Variants in MIPOL1 observed in about 807,000 individuals in gnomAD.
MIPOL1 encodes the protein mirror-image polydactyly gene 1 protein.
In MIPOL1, 57 loss-of-function variants were observed where a neutral mutation model predicts 60.9. The observed-to-expected ratio is 0.94, with a 90% CI of 0.76 to 1.17. The LOEUF (loss-of-function observed/expected upper bound fraction) is 1.17, where lower values mean the gene tolerates loss of function less well. MIPOL1 is among the 50% of genes most tolerant of loss of function. The probability of loss-of-function intolerance (pLI) is 0.00; values close to 1 mark genes in which losing one functional copy is unlikely to be tolerated. For synonymous variants in MIPOL1, 179 were observed against 168.8 expected (o/e 1.06, Z -0.47); for missense variants, 551 against 511.6 (o/e 1.08, Z -0.74).
intron 10 of MIPOL1, among the ~76,000 whole-genome samples, chr14:37,413,943 T>TG (rs1257977026): frequency 2.0e-5 from 3 of 152,190 alleles, no homozygotes; most frequent in African/African-American, 7.2e-5. Context: ...TGCAACAAAA[T>TG]GTAAATATTT....
intron 10 of MIPOL1, among the ~76,000 whole-genome samples, chr14:37,404,839 T>C (rs140299368): frequency 3.3e-5 from 5 of 152,284 alleles, no homozygotes; most frequent in African/African-American, 1.2e-4. Context: ...CTAATAAGGA[T>C]AGTCAACACA....
intron 9 of MIPOL1, among the ~76,000 whole-genome samples, chr14:37,320,096 A>G (rs1288228058): frequency 2.0e-5 from 3 of 152,116 alleles, no homozygotes; most frequent in Non-Finnish European, 4.4e-5. Context: ...TTTTTAACCT[A>G]TTATGCATGA....
chr14:37,518,131 G>A (rs535709388), intron 12 of MIPOL1, among the ~76,000 whole-genome samples: 1 of 152,186 alleles, frequency 6.6e-6, no homozygotes, highest in African/African-American at 2.4e-5. Flanking sequence ...AGAAATACAT[G>A]CAAAGAAATT....
intron 10 of MIPOL1, among the ~76,000 whole-genome samples, chr14:37,414,494 T>G (rs2093730779): frequency 6.6e-6 from 1 of 152,172 alleles, no homozygotes; most frequent in South Asian, 2.1e-4. Context: ...TTGTGAAATA[T>G]CTCTTCATGT....
chr14:37,508,695 T>C (rs550260478), intron 12 of MIPOL1, among the ~76,000 whole-genome samples: 1 of 152,308 alleles, frequency 6.6e-6, no homozygotes, highest in South Asian at 2.1e-4. Flanking sequence ...TAGAAGAATA[T>C]GTGTTACGTA....
intron 9 of MIPOL1, among the ~76,000 whole-genome samples, chr14:37,341,622 A>G (rs1185762717): frequency 6.6e-6 from 1 of 152,038 alleles, no homozygotes; most frequent in Non-Finnish European, 1.5e-5. Context: ...AATTTTTTTT[A>G]TAAGTTTAGA....
chr14:37,328,523 TA>T (rs1354096382), intron 9 of MIPOL1, among the ~76,000 whole-genome samples: 12 of 152,146 alleles, frequency 7.9e-5, no homozygotes, highest in African/African-American at 2.9e-4. Flanking sequence ...AAATGAAATT[TA>T]AAAAAATATG....
At chr14:37,362,130 G>T (rs1435849806) in intron 9 of MIPOL1, among the ~76,000 whole-genome samples, 1 of 152,118 alleles carries the variant, frequency 6.6e-6, no homozygotes, top group East Asian at 1.9e-4. Flanking sequence ...ATATTGTTAT[G>T]TGTGAATATG....
At chr14:37,334,086 G>A (rs1595192841) in intron 9 of MIPOL1, among the ~76,000 whole-genome samples, 1 of 152,128 alleles carries the variant, frequency 6.6e-6, no homozygotes, top group East Asian at 1.9e-4. Context: ...AAGGATCAAT[G>A]TAAAGTAGAA....
intron 3 of MIPOL1, among the ~76,000 whole-genome samples, chr14:37,257,447 T>TG (rs1975148835): frequency 6.6e-6 from 1 of 152,134 alleles, no homozygotes; most frequent in Non-Finnish European, 1.5e-5. Context: ...TTTTGATATC[T>TG]GGGCACATGT....
intron 1 of MIPOL1, among the ~76,000 whole-genome samples, chr14:37,221,601 A>G (rs920971023): frequency 6.6e-6 from 1 of 152,192 alleles, no homozygotes; most frequent in Admixed American, 6.5e-5. Context: ...AAGCAGGCAC[A>G]TCTTCACATT....
At chr14:37,228,325 C>CTTTTTTTTTT (rs397961053) in intron 1 of MIPOL1, among the ~76,000 whole-genome samples, 49 of 105,136 alleles carry the variant, frequency 4.7e-4, no homozygotes, top group African/African-American at 7.3e-4. Context: ...TCTTTCTTTT[C>CTTTTTTTTTT]TTTTTTTTTT....
intron 12 of MIPOL1, among the ~76,000 whole-genome samples, chr14:37,519,167 A>G (rs2095393990): frequency 6.6e-6 from 1 of 152,172 alleles, no homozygotes; most frequent in Non-Finnish European, 1.5e-5. Flanking sequence ...TACTAGAATC[A>G]ATCAGTCTAA....
At chr14:37,499,550 C>G (rs1347722001) in intron 11 of MIPOL1, among the ~76,000 whole-genome samples, 1 of 152,134 alleles carries the variant, frequency 6.6e-6, no homozygotes, top group Admixed American at 6.6e-5. Flanking sequence ...ATTCTCTTCT[C>G]ACTTCTTTCA....
chr14:37,487,607 T>C (rs895316894), intron 11 of MIPOL1, among the ~76,000 whole-genome samples: 1 of 152,228 alleles, frequency 6.6e-6, no homozygotes, highest in East Asian at 1.9e-4. Flanking sequence ...TCTTCTAGAT[T>C]TTCTAGTTTA....
intron 11 of MIPOL1, among the ~76,000 whole-genome samples, chr14:37,490,675 C>A (rs1398694513): frequency 1.3e-5 from 2 of 152,140 alleles, no homozygotes; most frequent in Non-Finnish European, 2.9e-5. Flanking sequence ...CAGGCTCAGT[C>A]CCTCACAGCT....
chr14:37,473,599 T>C (rs2094721961), intron 11 of MIPOL1, among the ~76,000 whole-genome samples: 1 of 152,076 alleles, frequency 6.6e-6, no homozygotes, highest in Admixed American at 6.6e-5. Flanking sequence ...ATTAGAACAG[T>C]TTAGACTCAC....
chr14:37,483,196 T>A (rs1466897468), intron 11 of MIPOL1, among the ~76,000 whole-genome samples: 1 of 148,480 alleles, frequency 6.7e-6, no homozygotes, highest in East Asian at 2.0e-4. Context: ...CACTCCAACC[T>A]CCGCCTCCTG....
At chr14:37,381,144 A>T (rs1717633102) in intron 10 of MIPOL1, among the ~76,000 whole-genome samples, 1 of 152,064 alleles carries the variant, frequency 6.6e-6, no homozygotes, top group Non-Finnish European at 1.5e-5. Context: ...AAAATTGAAT[A>T]TGTAAGACTC....
Sources: allele counts gnomAD v4.1 joint callset (sites outside exome capture counted in the v4.1 genomes callset), GRCh38; gene constraint gnomAD v4.1.1; transcripts MANE v1.5; gene names NCBI Gene and HGNC (gene_info 2026-07-23, HGNC 2026-07-21).